CFAP47: variants seen among roughly 807,000 people sequenced by gnomAD.
CFAP47 encodes cilia- and flagella-associated protein 47.
In CFAP47, 29 loss-of-function variants were observed where a neutral mutation model predicts 148.1. The ratio of observed to expected loss-of-function variants is 0.20; its 90% CI spans 0.15 to 0.27. The LOEUF (loss-of-function observed/expected upper bound fraction) is 0.27. Among genes scored for constraint, CFAP47 ranks in the 10% least tolerant of loss-of-function variants. CFAP47 has a pLI of 1.00. For missense variants in CFAP47, 1,872 were observed against 1,697.5 expected (o/e 1.10, Z -1.81); for synonymous variants, 664 against 577.3 (o/e 1.15, Z -2.15).
intron 21 of CFAP47, among the ~76,000 whole-genome samples, chrX:36,006,900 G>T (rs1028345337): frequency 8.9e-6 from 1 of 112,021 alleles, no homozygotes; most frequent in Non-Finnish European, 1.9e-5. Flanking sequence ...CAGAAATGTT[G>T]TTTCTTTATC....
chrX:35,936,790 T>TC (rs1264237420), intron 2 of CFAP47, among the ~76,000 whole-genome samples: 1 of 110,867 alleles, frequency 9.0e-6, no homozygotes, highest in African/African-American at 3.3e-5. Flanking sequence ...TCACTACTGC[T>TC]CCCACTGTCT....
At chrX:36,255,240 C>G (rs1403737227) in intron 49 of CFAP47, among the ~76,000 whole-genome samples, 1 of 112,322 alleles carries the variant, frequency 8.9e-6, no homozygotes, top group Non-Finnish European at 1.9e-5. Context: ...GATGCTGTAA[C>G]AGGTTGAGTT....
At chrX:36,074,647 T>G (rs964775636) in intron 29 of CFAP47, among the ~76,000 whole-genome samples, 4 of 111,612 alleles carry the variant, frequency 3.6e-5, no homozygotes, top group African/African-American at 1.3e-4. Context: ...AATTATACGG[T>G]ACACAGCGTT....
intron 44 of CFAP47, among the ~76,000 whole-genome samples, chrX:36,201,955 T>C (rs1164208392): frequency 1.8e-5 from 2 of 111,555 alleles, no homozygotes; most frequent in African/African-American, 6.5e-5. Flanking sequence ...ACTCTAACAC[T>C]GTCTAGCTGT....
chrX:35,993,951 G>A (rs963537381), intron 18 of CFAP47, among the ~76,000 whole-genome samples: 9 of 111,324 alleles, frequency 8.1e-5, no homozygotes, highest in Admixed American at 1.9e-4. Context: ...TTATGTTCTC[G>A]GAATTATGTA....
intron 10 of CFAP47, among the ~76,000 whole-genome samples, chrX:35,969,762 G>A (rs907306964): frequency 6.4e-4 from 72 of 111,794 alleles, no homozygotes; most frequent in African/African-American, 2.3e-3. Context: ...GAGCAACAAA[G>A]CATTTGTTTC....
chrX:36,003,732 C>T (rs1311848557), intron 21 of CFAP47, among the ~76,000 whole-genome samples: 1 of 109,802 alleles, frequency 9.1e-6, no homozygotes. Flanking sequence ...GATGCTCTCT[C>T]TCACTACTCC....
rs782743252 is a variant in CFAP47 at position 36,371,671 on chromosome X, C to CAT, written c.9185+4545_9185+4546dup. Among the ~76,000 whole-genome samples the CAT allele has an allele frequency of 2.1e-3, 143 of 69,156 alleles. 1 individual carries two copies. The highest frequency in any genetic ancestry group is 4.8e-3 in the African/African-American group (59 of 12,336). The allele number at this position is 69,156 out of a possible 115,157, so 60.1% of individuals were successfully genotyped here. A position where few individuals can be genotyped will look rare whatever the true frequency, so the allele number is the denominator to read the frequency against. On this transcript the variant is annotated intron_variant, in intron 62 of 63. Coordinates refer to ENST00000378653, the MANE Select transcript of CFAP47 (RefSeq NM_001304548.2). ...GTGTATATATGTGTGTATATACACA[C>CAT]ATGTGTATATATGTGTGTATATACA...
At chrX:36,344,500 G>A (rs1941681279) in intron 57 of CFAP47, among the ~76,000 whole-genome samples, 2 of 111,237 alleles carry the variant, frequency 1.8e-5, no homozygotes, top group South Asian at 3.8e-4. Flanking sequence ...TCTACTTGTA[G>A]GCTTGGTAAA....
At chrX:36,068,977 A>T (rs188240038) in intron 27 of CFAP47, among the ~76,000 whole-genome samples, 108 of 109,669 alleles carry the variant, frequency 9.8e-4, no homozygotes, top group African/African-American at 3.5e-3. Context: ...AAAAAGAAAA[A>T]AGATTTTTTT....
chrX:36,233,241 T>C (rs1301583088), intron 46 of CFAP47, among the ~76,000 whole-genome samples: 3 of 111,420 alleles, frequency 2.7e-5, no homozygotes, highest in Non-Finnish European at 5.6e-5. Context: ...TATTATTGTG[T>C]GGGAGTCTAA....
intron 57 of CFAP47, among the ~76,000 whole-genome samples, 171 bp from the exon 58 acceptor site, chrX:36,347,958 C>T (rs1941712405): frequency 1.8e-5 from 2 of 111,686 alleles, no homozygotes; most frequent in African/African-American, 6.5e-5. Context: ...TTGATGGCAT[C>T]TAAGGTAAAA....
chrX:36,169,300 A>G (rs1274417121), intron 39 of CFAP47, among the ~76,000 whole-genome samples: 2 of 110,864 alleles, frequency 1.8e-5, no homozygotes, highest in East Asian at 5.7e-4. Context: ...TGGATGGGGA[A>G]ATTAATGTTT....
chrX:35,947,001 CCTT>C (rs765732095), intron 3 of CFAP47, among the ~76,000 whole-genome samples: 1 of 111,582 alleles, frequency 9.0e-6, no homozygotes, highest in African/African-American at 3.3e-5. Flanking sequence ...TTTGTACCCT[CCTT>C]CTCATATGCC....
intron 15 of CFAP47, among the ~76,000 whole-genome samples, chrX:35,983,266 T>C (rs1936670973): frequency 1.8e-5 from 2 of 111,741 alleles, no homozygotes; most frequent in African/African-American, 6.5e-5. Flanking sequence ...TGTTGTTGTA[T>C]AGAAAAGCTA....
intron 7 of CFAP47, among the ~76,000 whole-genome samples, chrX:35,954,944 C>A (rs1936222244): frequency 8.9e-6 from 1 of 112,246 alleles, no homozygotes; most frequent in Non-Finnish European, 1.9e-5. Context: ...AAACATACAA[C>A]CTTGTTGAGA....
intron 49 of CFAP47, among the ~76,000 whole-genome samples, chrX:36,258,814 C>G (rs1292801195): frequency 8.9e-6 from 1 of 112,050 alleles, no homozygotes; most frequent in Admixed American, 9.5e-5. Context: ...TAAATACTTT[C>G]TCTATCACCT....
At chrX:36,040,976 G>T (rs1483145664) in intron 25 of CFAP47, among the ~76,000 whole-genome samples, 1 of 111,388 alleles carries the variant, frequency 9.0e-6, no homozygotes, top group Admixed American at 9.6e-5. Context: ...ATAAAGTACA[G>T]CAAAATTATC....
chrX:35,953,574 A>C lies in CFAP47; in HGVS notation c.1047-18A>C. 2 of 1,162,503 alleles carry C rather than the reference A, an allele frequency of 1.7e-6. No individual in the cohort carries two copies. The highest frequency in any genetic ancestry group is 2.3e-6 in the Non-Finnish European group (2 of 865,804). ...ATCAACTTTGCTTTAAAAATAACTC[A>C]TTGTGATTTTTTTACAGGCTAATGG... On this transcript the variant is annotated intron_variant, in intron 6 of 63. Coordinates refer to ENST00000378653, the MANE Select transcript of CFAP47 (RefSeq NM_001304548.2).
Sources: allele counts gnomAD v4.1 joint callset (sites outside exome capture counted in the v4.1 genomes callset), GRCh38; gene constraint gnomAD v4.1.1; transcripts MANE v1.5; gene names NCBI Gene and HGNC (gene_info 2026-07-23, HGNC 2026-07-21).